Variants in SLC71A2 observed in about 807,000 individuals in gnomAD.
SLC71A2 encodes hippocampus abundant transcript-like 1.
At chr9:94,458,556 G>C in the SLC71A2 span, 1 of 1,216,044 alleles carries the variant, frequency 8.2e-7, no homozygotes, top group Non-Finnish European at 1.2e-6. Flanking sequence ...ATTCTTTCTT[G>C]TATGTTACTA....
At chr9:94,422,706 C>T in the SLC71A2 span, among the ~76,000 whole-genome samples, 31 of 152,234 alleles carry the variant, frequency 2.0e-4, no homozygotes, top group Admixed American at 1.4e-3. Flanking sequence ...ATGAAGTTAA[C>T]CCCCTTTACG....
At chr9:94,437,569 T>A in the SLC71A2 span, among the ~76,000 whole-genome samples, 1 of 152,230 alleles carries the variant, frequency 6.6e-6, no homozygotes, top group Non-Finnish European at 1.5e-5. Context: ...GAGAGAACTT[T>A]ACTTTGATCG....
At chr9:94,411,502 A>G in the SLC71A2 span, among the ~76,000 whole-genome samples, 4 of 152,086 alleles carry the variant, frequency 2.6e-5, no homozygotes, top group Admixed American at 1.3e-4. Flanking sequence ...TTCAGTGGCC[A>G]TTAATGGTCA....
At chr9:94,400,741 T>G in the SLC71A2 span, among the ~76,000 whole-genome samples, 2 of 152,190 alleles carry the variant, frequency 1.3e-5, no homozygotes, top group African/African-American at 2.4e-5. Flanking sequence ...AAAGTTAACA[T>G]GTACTGAGGC....
chr9:94,387,707 G>GT, the SLC71A2 span, among the ~76,000 whole-genome samples: 1 of 152,122 alleles, frequency 6.6e-6, no homozygotes, highest in African/African-American at 2.4e-5. Context: ...AGGCAATTTT[G>GT]TTTTTCGTAT....
chr9:94,440,372 C>T, the SLC71A2 span, among the ~76,000 whole-genome samples: 10 of 152,188 alleles, frequency 6.6e-5, no homozygotes, highest in South Asian at 2.1e-3. Context: ...CCAGGATGGT[C>T]TCAATCTCCT....
the SLC71A2 span, among the ~76,000 whole-genome samples, chr9:94,392,042 CGTGT>C: frequency 6.6e-6 from 1 of 151,482 alleles, no homozygotes; most frequent in South Asian, 2.1e-4. Context: ...TTTTTCCTGA[CGTGT>C]GTTTTTGAGG....
the SLC71A2 span, among the ~76,000 whole-genome samples, chr9:94,379,021 C>T: frequency 7.0e-6 from 1 of 142,192 alleles, no homozygotes; most frequent in East Asian, 2.1e-4. Context: ...AATTAGTTGG[C>T]ATAAAGCTGT....
chr9:94,418,210 T>C, the SLC71A2 span, among the ~76,000 whole-genome samples: 2 of 152,144 alleles, frequency 1.3e-5, no homozygotes, highest in African/African-American at 4.8e-5. Context: ...TCTGAGGAGC[T>C]GTTTATTTAT....
chr9:94,383,357 T>G, the SLC71A2 span, among the ~76,000 whole-genome samples: 6 of 152,078 alleles, frequency 3.9e-5, no homozygotes, highest in South Asian at 1.2e-3. Flanking sequence ...GAGACAGGGT[T>G]TTACCATGTT....
At chr9:94,396,715 A>G in the SLC71A2 span, among the ~76,000 whole-genome samples, 8 of 152,226 alleles carry the variant, frequency 5.3e-5, no homozygotes, top group Non-Finnish European at 1.0e-4. Flanking sequence ...TATAAAAATA[A>G]GCAGTGGACT....
chr9:94,446,095 G>A, the SLC71A2 span, among the ~76,000 whole-genome samples: 2 of 152,248 alleles, frequency 1.3e-5, no homozygotes, highest in South Asian at 2.1e-4. Context: ...GCAATCGTGG[G>A]GATTACTGTT....
the SLC71A2 span, among the ~76,000 whole-genome samples, chr9:94,446,351 C>T: frequency 6.6e-6 from 1 of 152,110 alleles, no homozygotes; most frequent in Non-Finnish European, 1.5e-5. Context: ...ATGGCTGGAG[C>T]GTACTTATTT....
the SLC71A2 span, among the ~76,000 whole-genome samples, chr9:94,428,926 A>G: frequency 6.6e-6 from 1 of 151,562 alleles, no homozygotes; most frequent in Non-Finnish European, 1.5e-5. Context: ...ACAATACAAT[A>G]TGTAGCCTTT....
chr9:94,419,788 G>A, the SLC71A2 span, among the ~76,000 whole-genome samples: 2 of 152,096 alleles, frequency 1.3e-5, no homozygotes, highest in Non-Finnish European at 2.9e-5. Context: ...TGTTTTGCTT[G>A]TTTAGTAACT....
chr9:94,452,714 C>CAT, the SLC71A2 span, among the ~76,000 whole-genome samples: 12 of 82,142 alleles, frequency 1.5e-4, no homozygotes, highest in East Asian at 6.6e-4. Flanking sequence ...CATATATATT[C>CAT]ATATATATAT....
chr9:94,383,335 G>A, the SLC71A2 span, among the ~76,000 whole-genome samples: 476 of 151,854 alleles, frequency 3.1e-3, 3 homozygotes, highest in African/African-American at 8.3e-3. Flanking sequence ...GCTAATTTTT[G>A]TATTTTTAAT....
the SLC71A2 span, chr9:94,429,124 G>A: frequency 6.3e-7 from 1 of 1,596,188 alleles, no homozygotes; most frequent in South Asian, 1.1e-5. Flanking sequence ...GCCATTAAAA[G>A]AGGCAGAAAA....
the SLC71A2 span, among the ~76,000 whole-genome samples, chr9:94,384,832 T>C: frequency 1.3e-5 from 2 of 152,024 alleles, no homozygotes; most frequent in Non-Finnish European, 2.9e-5. Flanking sequence ...AAAAAAAAAA[T>C]AGTGGGAACT....
Sources: allele counts gnomAD v4.1 joint callset (sites outside exome capture counted in the v4.1 genomes callset), GRCh38; gene constraint gnomAD v4.1.1; transcripts MANE v1.5; gene names NCBI Gene and HGNC (gene_info 2026-07-23, HGNC 2026-07-21).